The following ING5 variants were observed in gnomAD, a reference collection of about 807,000 sequenced individuals.
The protein encoded by ING5 is inhibitor of growth family member 5.
ING5 carries 17 observed loss-of-function variants against 37.4 expected under a neutral mutation model. The observed-to-expected ratio is 0.45, with a 90% CI of 0.31 to 0.68. ING5 has a LOEUF of 0.68. Among genes scored for constraint, ING5 ranks in the 30% least tolerant of loss-of-function variants. The probability of loss-of-function intolerance (pLI) is 0.05; values close to 1 mark genes in which losing one functional copy is unlikely to be tolerated. For missense variants in ING5, 233 were observed against 311.9 expected (o/e 0.75, Z 1.91); for synonymous variants, 123 against 116.6 (o/e 1.06, Z -0.36).
At chr2:241,713,737 G>T (rs924711313) in intron 5 of ING5, among the ~76,000 whole-genome samples, 3 of 150,860 alleles carry the variant, frequency 2.0e-5, no homozygotes, top group Admixed American at 2.0e-4. Context: ...GCCTGTAATC[G>T]CAGCACTTTG....
intron 5 of ING5, chr2:241,721,167 CGAG>C (rs892963325): frequency 1.5e-5 from 15 of 985,422 alleles, no homozygotes; most frequent in African/African-American, 1.2e-4. Flanking sequence ...AGAGGTGACT[CGAG>C]GAGACCGCAG....
At chr2:241,713,535 C>A (rs1254433651) in intron 5 of ING5, among the ~76,000 whole-genome samples, 1 of 151,056 alleles carries the variant, frequency 6.6e-6, no homozygotes, top group African/African-American at 2.4e-5. Context: ...CACACCCAGC[C>A]AATTTTTTTT....
In ING5 at chr2:241,723,931, G is replaced by T; in HGVS notation, c.680+660G>T. The T allele has an allele frequency of 6.2e-6, 8 of 1,291,450 alleles. 1 individual carries two copies. The highest frequency in any genetic ancestry group is 5.3e-4 in the Middle Eastern group (2 of 3,802). 80.0% of individuals were successfully genotyped at this position (1,291,450 alleles called of 1,614,324 possible). On this transcript the variant is annotated intron_variant, in intron 7 of 7. Transcript: ENST00000313552. ...AGGCGGAGGCGGGAGGATGGCTTGAGCCTGGAAGTCCGAGGCTTCAGTGAG... is the reference window on the plus strand; with the variant it reads ...AGGCGGAGGCGGGAGGATGGCTTGATCCTGGAAGTCCGAGGCTTCAGTGAG...
At chr2:241,697,676 G>GA, upstream of ING5, among the ~76,000 whole-genome samples, 1 of 151,268 alleles carries the variant, frequency 6.6e-6, no homozygotes, top group African/African-American at 2.4e-5. Context: ...AGGGGCCTCG[G>GA]GAGGGGGAGA....
At chr2:241,724,707 G>A in intron 7 of ING5, 1 of 501,582 alleles carries the variant, frequency 2.0e-6, no homozygotes, top group East Asian at 3.4e-5. Flanking sequence ...CCATCGGCCG[G>A]GGAAGAAGGA....
exon 1 of ING5, chr2:241,687,089 C>T (rs1575111266): frequency 2.5e-6 from 1 of 392,278 alleles, no homozygotes; most frequent in East Asian, 3.7e-5. Flanking sequence ...TGACGCGGCG[C>T]GGGCTGGACG....
In ING5 at chr2:241,725,652, C is replaced by G. The variant is rs1691591573; in HGVS notation, c.*621C>G. ...TTTTTAGCTTGGACTTCAGTCCTCC[C>G]TCGGGGACTCACCTCCGGAGTAAAC... On this transcript the variant is annotated 3_prime_UTR_variant, in exon 8 of 8. Transcript: ENST00000313552. 1 of 152,646 alleles carries G rather than the reference C, an allele frequency of 6.6e-6. No individual in the cohort carries two copies. The highest frequency in any genetic ancestry group is 2.1e-4 in the South Asian group (1 of 4,832). The allele number at this position is 152,646 out of a possible 1,614,324, so 9.5% of individuals were successfully genotyped here. A position where few individuals can be genotyped will look rare whatever the true frequency, so the allele number is the denominator to read the frequency against.
At chr2:241,709,533 C>T (rs2070038205) in intron 3 of ING5, 151 bp downstream of exon 3, 13 of 625,562 alleles carry the variant, frequency 2.1e-5, no homozygotes, top group Non-Finnish European at 3.7e-5. Context: ...AGACGGAATA[C>T]ACTTCATGTA....
chr2:241,696,548 G>A (rs1216593958), intron 2 of ING5, among the ~76,000 whole-genome samples: 4 of 151,992 alleles, frequency 2.6e-5, no homozygotes, highest in African/African-American at 9.7e-5. Flanking sequence ...CACTTGGGGA[G>A]GCTGAGGCTG....
chr2:241,713,339 T>C (rs1226712972), intron 5 of ING5, among the ~76,000 whole-genome samples: 1 of 149,726 alleles, frequency 6.7e-6, no homozygotes, highest in Non-Finnish European at 1.5e-5. Context: ...ATTACAGGCA[T>C]GAGCCATCAC....
chr2:241,717,297 C>T (rs984000208), intron 5 of ING5, among the ~76,000 whole-genome samples: 6 of 152,192 alleles, frequency 3.9e-5, no homozygotes. Context: ...TCTCGAACTC[C>T]TGGCCTCCAG....
chr2:241,704,530 T>C (rs576829235), intron 1 of ING5, 123 bp from the exon 2 acceptor site: 1 of 770,764 alleles, frequency 1.3e-6, no homozygotes, highest in East Asian at 2.6e-5. Context: ...ATCGCACCAC[T>C]GCACTCCAGC....
At chr2:241,687,082 C>T (rs971512862), upstream of ING5, 3 of 394,930 alleles carry the variant, frequency 7.6e-6, no homozygotes, top group South Asian at 1.2e-4. Flanking sequence ...GGGGAGGTGA[C>T]GCGGCGCGGG....
At chr2:241,722,381 C>T (rs1224295728) in intron 5 of ING5, 1 of 985,354 alleles carries the variant, frequency 1.0e-6, no homozygotes, top group African/African-American at 1.7e-5. Context: ...GTGGACTCGT[C>T]CCCAGAGTGG....
At chr2:241,699,338 T>G (rs1362127803), upstream of ING5, among the ~76,000 whole-genome samples, 4 of 152,196 alleles carry the variant, frequency 2.6e-5, no homozygotes, top group Non-Finnish European at 5.9e-5. Context: ...ATTTTTATAA[T>G]GAACATAATA....
At chr2:241,724,200 C>T (rs36062967) in intron 7 of ING5, among the ~76,000 whole-genome samples, 2,221 of 152,094 alleles carry the variant, frequency 0.015, 32 homozygotes, top group South Asian at 0.06. Flanking sequence ...CCTTGGTGTT[C>T]GGTGTGAGGA....
upstream of ING5, chr2:241,687,024 C>A (rs904059305): frequency 3.5e-5 from 18 of 512,690 alleles, no homozygotes; most frequent in African/African-American, 2.8e-4. Flanking sequence ...GGCCCCGTGT[C>A]CCGTGCGGGC....
chr2:241,716,280 G>A (rs190644262), intron 5 of ING5, among the ~76,000 whole-genome samples: 316 of 116,230 alleles, frequency 2.7e-3, no homozygotes, highest in African/African-American at 0.01. Flanking sequence ...TATTAGCCAT[G>A]CTTTTTTTTT....
rs949963371 is a variant in ING5 at position 241,727,125 on chromosome 2, CG to C, written c.*2098del. 106 of 151,560 alleles carry C rather than the reference CG, an allele frequency of 7.0e-4. No individual in the cohort carries two copies. Among genetic ancestry groups the C allele is most frequent in the African/African-American group, 2.1e-3 (85 of 41,290 alleles). 9.4% of individuals were successfully genotyped at this position (151,560 alleles called of 1,614,324 possible). ...GCTAAGTTTGTATTTTTGTTGGAGA[CG>C]GGGTTTCACCATATTGGCCAGACTG... On this transcript the variant is annotated 3_prime_UTR_variant, in exon 8 of 8. Coordinates refer to ENST00000313552, the MANE Select transcript of ING5 (RefSeq NM_032329.6).
Sources: gnomAD v4.1 joint callset for allele counts (sites outside exome capture counted in the v4.1 genomes callset) on GRCh38, gnomAD v4.1.1 for gene constraint, MANE v1.5 for transcripts, NCBI Gene and HGNC (gene_info 2026-07-23, HGNC 2026-07-21) for gene names.